GLIS3: variants seen among roughly 807,000 people sequenced by gnomAD.
The protein encoded by GLIS3 is GLIS family zinc finger 3.
In GLIS3, 53 loss-of-function variants were observed where a neutral mutation model predicts 78.6. The ratio of observed to expected loss-of-function variants is 0.67; its 90% CI spans 0.54 to 0.85. GLIS3 has a LOEUF of 0.85. Ranked by LOEUF, GLIS3 falls within the 40% of genes least tolerant of loss-of-function variation. The pLI, the probability that GLIS3 is intolerant of heterozygous loss-of-function variation, is 0.00. For missense variants in GLIS3, 1,703 were observed against 1,231.1 expected (o/e 1.38, Z -5.74); for synonymous variants, 684 against 509.9 (o/e 1.34, Z -4.60).
chr9:3,952,389 T>C (rs1397834500), intron 4 of GLIS3, among the ~76,000 whole-genome samples: 2 of 152,140 alleles, frequency 1.3e-5, no homozygotes, highest in Admixed American at 1.3e-4. Flanking sequence ...TCCCTGGCAC[T>C]CTCTGATGTC....
intron 2 of GLIS3, among the ~76,000 whole-genome samples, chr9:4,266,394 C>G (rs1490783353): frequency 6.6e-6 from 1 of 152,112 alleles, no homozygotes; most frequent in Non-Finnish European, 1.5e-5. Flanking sequence ...TTCTGAGACC[C>G]TATCGCTGAA....
intron 4 of GLIS3, among the ~76,000 whole-genome samples, chr9:3,939,854 T>A (rs1014170298): frequency 6.6e-6 from 1 of 152,174 alleles, no homozygotes; most frequent in African/African-American, 2.4e-5. Flanking sequence ...GCAGGAACCA[T>A]GGAACCCAAG....
the GLIS3 span, among the ~76,000 whole-genome samples, chr9:4,375,332 C>G: frequency 6.6e-6 from 1 of 152,198 alleles, no homozygotes; most frequent in Admixed American, 6.5e-5. Context: ...TGGCTTTTTT[C>G]AGGTTGAGAG....
In GLIS3 at chr9:3,849,173, C is replaced by A. The variant is rs191150908; in HGVS notation, c.2473+6836G>T. The stretch of plus-strand genomic sequence containing the variant: ...AGCACACAGTGGAAAGTACGGAAAC[C>A]TAAGAGAATGGAAGAGATGGGAAAA... On this transcript the variant is annotated intron_variant, in intron 9 of 10. Transcript: ENST00000381971. 1.4e-3 allele frequency among the ~76,000 whole-genome samples: 208 copies of A among 152,260 alleles called. 1 individual carries two copies. Among genetic ancestry groups the A allele is most frequent in the Non-Finnish European group, 2.6e-3 (177 of 68,012 alleles).
At chr9:4,373,737 C>T in the GLIS3 span, among the ~76,000 whole-genome samples, 1 of 150,398 alleles carries the variant, frequency 6.6e-6, no homozygotes, top group Non-Finnish European at 1.5e-5. Flanking sequence ...GGCACGATCT[C>T]GGCTCATGCA....
chr9:3,852,838 C>A (rs1397446705), intron 9 of GLIS3, among the ~76,000 whole-genome samples: 2 of 152,156 alleles, frequency 1.3e-5, no homozygotes, highest in East Asian at 1.9e-4. Context: ...ATTTGCCTAA[C>A]TATATTTTAA....
chr9:4,238,072 T>G (rs1284167011), intron 2 of GLIS3, among the ~76,000 whole-genome samples: 1 of 152,184 alleles, frequency 6.6e-6, no homozygotes, highest in Non-Finnish European at 1.5e-5. Context: ...CTGTCCTGCT[T>G]CTATACCAGT....
At chr9:3,870,694 A>G (rs753522061) in intron 8 of GLIS3, among the ~76,000 whole-genome samples, 17 of 152,240 alleles carry the variant, frequency 1.1e-4, no homozygotes, top group Non-Finnish European at 2.1e-4. Context: ...AACAAACCCC[A>G]GTGATTCAGT....
intron 2 of GLIS3, among the ~76,000 whole-genome samples, chr9:4,252,676 G>T (rs1042232304): frequency 6.6e-6 from 1 of 152,106 alleles, no homozygotes; most frequent in African/African-American, 2.4e-5. Context: ...TGATCCTTTG[G>T]AGGAGAAGAG....
At chr9:4,273,990 T>G (rs1324144771) in intron 2 of GLIS3, among the ~76,000 whole-genome samples, 2 of 152,190 alleles carry the variant, frequency 1.3e-5, no homozygotes, top group African/African-American at 4.8e-5. Context: ...AGCATGTCCT[T>G]GCATAGGACA....
chr9:4,407,862 C>A, the GLIS3 span, among the ~76,000 whole-genome samples: 1 of 151,862 alleles, frequency 6.6e-6, no homozygotes, highest in Non-Finnish European at 1.5e-5. Context: ...TGAACACTAC[C>A]CATTTGACAA....
chr9:4,114,364 GT>G (rs1156341054), intron 4 of GLIS3, among the ~76,000 whole-genome samples: 7 of 152,236 alleles, frequency 4.6e-5, no homozygotes, highest in Admixed American at 2.0e-4. Context: ...TACATCTATT[GT>G]TTGGGTTTAT....
At chr9:4,312,021 A>G (rs1165226168) in intron 2 of GLIS3, among the ~76,000 whole-genome samples, 2 of 152,240 alleles carry the variant, frequency 1.3e-5, no homozygotes, top group South Asian at 2.1e-4. Context: ...GCAGAGAAAA[A>G]TAACTACTGG....
intron 2 of GLIS3, among the ~76,000 whole-genome samples, chr9:4,136,465 T>C (rs1833415608): frequency 1.3e-5 from 2 of 152,172 alleles, no homozygotes; most frequent in South Asian, 4.1e-4. Flanking sequence ...AAGTTAAACA[T>C]ATCTCTTTAC....
At chr9:4,311,791 G>T (rs1308991352) in intron 2 of GLIS3, among the ~76,000 whole-genome samples, 5 of 152,212 alleles carry the variant, frequency 3.3e-5, no homozygotes, top group African/African-American at 9.7e-5. Flanking sequence ...CGTCTGACAG[G>T]AGCAGGGAAA....
intron 2 of GLIS3, among the ~76,000 whole-genome samples, chr9:4,198,278 GAAAGA>G (rs964614343): frequency 9.9e-5 from 15 of 152,124 alleles, no homozygotes; most frequent in South Asian, 2.1e-4. Flanking sequence ...TCCAGGAAAT[GAAAGA>G]AAAGATAAAC....
intron 2 of GLIS3, among the ~76,000 whole-genome samples, chr9:4,168,223 G>C (rs1816047520): frequency 6.6e-6 from 1 of 151,600 alleles, no homozygotes; most frequent in African/African-American, 2.4e-5. Flanking sequence ...ACATACACTT[G>C]CCAAAGCTTC....
intron 4 of GLIS3, among the ~76,000 whole-genome samples, chr9:4,021,774 C>T (rs1366762506): frequency 2.0e-5 from 3 of 152,146 alleles, no homozygotes; most frequent in Non-Finnish European, 4.4e-5. Flanking sequence ...AAAACACTTG[C>T]CAAGCTTCCT....
chr9:3,949,217 T>C (rs1271753895), intron 4 of GLIS3, among the ~76,000 whole-genome samples: 1 of 152,250 alleles, frequency 6.6e-6, no homozygotes, highest in African/African-American at 2.4e-5. Context: ...ATAATTTAAA[T>C]TCACAAAGAC....
Sources: gnomAD v4.1 joint callset for allele counts (sites outside exome capture counted in the v4.1 genomes callset) on GRCh38, gnomAD v4.1.1 for gene constraint, MANE v1.5 for transcripts, NCBI Gene and HGNC (gene_info 2026-07-23, HGNC 2026-07-21) for gene names.